Variants in MNAT1 observed in about 807,000 individuals in gnomAD.
MNAT1 encodes the protein MNAT1 component of CDK activating kinase.
In MNAT1, 43 loss-of-function variants were observed where a neutral mutation model predicts 42.0. The observed-to-expected ratio is 1.02, with a 90% confidence interval of 0.80 to 1.32. The LOEUF (loss-of-function observed/expected upper bound fraction) is 1.32. Among genes scored for constraint, MNAT1 ranks in the 40% most tolerant of loss-of-function variants. The pLI is 0.00. For missense variants in MNAT1, 306 were observed against 350.4 expected, an observed-to-expected ratio of 0.87 and a Z score of 1.01; for synonymous variants, 118 against 120.0, an observed-to-expected ratio of 0.98 and a Z score of 0.11.
At chr14:60,913,487 G>A (rs565242051) in intron 7 of MNAT1, among the ~76,000 whole-genome samples, 1 of 152,054 alleles carries the variant, frequency 6.6e-6, no homozygotes, top group South Asian at 2.1e-4. Flanking sequence ...GATGATGGTG[G>A]CGTCCAGATG....
At chr14:60,916,716 C>T (rs140598613) in intron 7 of MNAT1, among the ~76,000 whole-genome samples, 10 of 152,248 alleles carry the variant, frequency 6.6e-5, no homozygotes, top group African/African-American at 2.4e-4. Flanking sequence ...CTTTGGGAGG[C>T]GGAGGCAGGC....
intron 6 of MNAT1, among the ~76,000 whole-genome samples, chr14:60,873,261 C>T (rs2034367500): frequency 6.6e-6 from 1 of 151,898 alleles, no homozygotes; most frequent in Non-Finnish European, 1.5e-5. Context: ...ACTGAAGAAA[C>T]CAGGCCACTT....
chr14:60,789,961 T>C (rs560612756), intron 1 of MNAT1, among the ~76,000 whole-genome samples: 2 of 152,186 alleles, frequency 1.3e-5, no homozygotes, highest in East Asian at 1.9e-4. Context: ...TTTTTTTTTC[T>C]ATTTTCACCA....
At chr14:60,906,998 A>C (rs2035214077) in intron 7 of MNAT1, among the ~76,000 whole-genome samples, 1 of 152,180 alleles carries the variant, frequency 6.6e-6, no homozygotes, top group Non-Finnish European at 1.5e-5. Context: ...AAACTTAGCT[A>C]TATTTAGCCT....
intron 6 of MNAT1, among the ~76,000 whole-genome samples, chr14:60,841,443 C>T (rs1377013787): frequency 6.6e-6 from 1 of 151,802 alleles, no homozygotes; most frequent in Non-Finnish European, 1.5e-5. Context: ...ACATACAACA[C>T]ATAAAGTTGT....
At chr14:60,889,198 T>A (rs924416794) in intron 7 of MNAT1, among the ~76,000 whole-genome samples, 1 of 152,150 alleles carries the variant, frequency 6.6e-6, no homozygotes, top group African/African-American at 2.4e-5. Context: ...GACTTCAAAC[T>A]ATACTACAAG....
At chr14:60,935,319 C>T (rs969204569) in intron 7 of MNAT1, among the ~76,000 whole-genome samples, 2 of 141,398 alleles carry the variant, frequency 1.4e-5, no homozygotes, top group African/African-American at 5.1e-5. Flanking sequence ...AGCCCCCATC[C>T]CTCCCTCCCT....
chr14:60,847,146 G>A (rs1283610241), intron 6 of MNAT1, among the ~76,000 whole-genome samples: 3 of 152,098 alleles, frequency 2.0e-5, no homozygotes, highest in African/African-American at 7.2e-5. Context: ...GCTCACACCT[G>A]TAATCCCCAG....
intron 7 of MNAT1, among the ~76,000 whole-genome samples, chr14:60,913,607 G>A (rs749651215): frequency 5.3e-5 from 8 of 152,130 alleles, no homozygotes; most frequent in Non-Finnish European, 1.2e-4. Context: ...GACCCGGTTT[G>A]CCTGGGTATC....
At position 60,838,007 on chromosome 14, in the gene MNAT1, C is replaced by A. The variant is rs1002663860; in HGVS notation, c.687+19160C>A. Among the ~76,000 whole-genome samples the A allele has an allele frequency of 2.0e-5, 3 of 152,120 alleles. No individual in the cohort carries two copies. The East Asian group carries it at 5.8e-4, about 29-fold the overall frequency. On this transcript the variant is annotated intron_variant, in intron 6 of 7. Transcript: ENST00000261245. ...CCTATAGGAATCTCTAGTAATGCTT[C>A]TCTTTTATTCCTGATATTAGTAATT...
rs1896483975 is a variant in MNAT1, at chr14:60,742,010, C to T, written c.89+7059C>T. ...TTTTTGTTGTTCTTTTGCTCCTTTCCTGCCTTATTTTGAAATAATTGGATT... is the reference window on the plus strand; with the variant it reads ...TTTTTGTTGTTCTTTTGCTCCTTTCTTGCCTTATTTTGAAATAATTGGATT... On this transcript the variant is annotated intron_variant, in intron 1 of 7. Coordinates refer to ENST00000261245, the MANE Select transcript of MNAT1 (RefSeq NM_002431.4). Among the ~76,000 whole-genome samples, 2 of 151,938 alleles carry T rather than the reference C, an allele frequency of 1.3e-5. 1 individual carries two copies. Among genetic ancestry groups the T allele is most frequent in the South Asian group, 4.1e-4 (2 of 4,822 alleles).
intron 1 of MNAT1, among the ~76,000 whole-genome samples, chr14:60,735,716 G>A (rs2140279087): frequency 6.6e-6 from 1 of 152,344 alleles, no homozygotes; most frequent in South Asian, 2.1e-4. Flanking sequence ...ATTTTCAGGG[G>A]AAGGGGGCAG....
chr14:60,877,917 TTG>T (rs1318612623), intron 6 of MNAT1, among the ~76,000 whole-genome samples: 4 of 152,076 alleles, frequency 2.6e-5, no homozygotes, highest in Admixed American at 6.6e-5. Flanking sequence ...CTTATTTTAT[TTG>T]TATATGTGTG....
At chr14:60,897,051 A>G (rs576010657) in intron 7 of MNAT1, among the ~76,000 whole-genome samples, 2 of 152,312 alleles carry the variant, frequency 1.3e-5, no homozygotes, top group Admixed American at 6.5e-5. Flanking sequence ...TATAATTTAT[A>G]TCCGCATGAT....
At chr14:60,929,100 T>A (rs1461804151) in intron 7 of MNAT1, among the ~76,000 whole-genome samples, 1 of 136,630 alleles carries the variant, frequency 7.3e-6, no homozygotes, top group Non-Finnish European at 1.5e-5. Context: ...TGAGGCGAGA[T>A]CATGCCACTG....
chr14:60,895,467 C>T (rs997949008), intron 7 of MNAT1, among the ~76,000 whole-genome samples: 1 of 152,168 alleles, frequency 6.6e-6, no homozygotes, highest in Non-Finnish European at 1.5e-5. Context: ...TAGAAGATTA[C>T]ATCTAATAAG....
At position 60,797,011 on chromosome 14, in the gene MNAT1, C is replaced by T. The variant is rs371678988; in HGVS notation, c.242+642C>T. ...ATGTGTGTATATATGTATATATATA[C>T]CTATATATTATTAATCTGTCTTTTT... On this transcript the variant is annotated intron_variant, in intron 2 of 7. Transcript: ENST00000261245. Among the ~76,000 whole-genome samples the T allele has an allele frequency of 2.6e-5, 4 of 151,696 alleles. No individual in the cohort carries two copies. In the East Asian group the frequency reaches 7.8e-4, roughly 29 times the overall value.
At chr14:60,821,138 A>G (rs2032878214) in intron 6 of MNAT1, among the ~76,000 whole-genome samples, 1 of 152,030 alleles carries the variant, frequency 6.6e-6, no homozygotes, top group African/African-American at 2.4e-5. Flanking sequence ...CATCCACATT[A>G]TGTTATGCTT....
At chr14:60,778,552 G>C (rs1184062385) in intron 1 of MNAT1, among the ~76,000 whole-genome samples, 1 of 152,164 alleles carries the variant, frequency 6.6e-6, no homozygotes, top group African/African-American at 2.4e-5. Flanking sequence ...TCCACAGCCA[G>C]CACCACTATC....
Sources: gnomAD v4.1 joint callset for allele counts (sites outside exome capture counted in the v4.1 genomes callset) on GRCh38, gnomAD v4.1.1 for gene constraint, MANE v1.5 for transcripts, NCBI Gene and HGNC (gene_info 2026-07-23, HGNC 2026-07-21) for gene names.